The following GCNT2 variants were observed in gnomAD, a reference collection of about 807,000 sequenced individuals.
GCNT2 encodes the protein N-acetyllactosaminide beta-1,6-N-acetylglucosaminyl-transferase.
A neutral mutation model predicts 34.2 loss-of-function variants in GCNT2; 34 were observed. The ratio of observed to expected loss-of-function variants is 1.00; its 90% CI spans 0.76 to 1.32. GCNT2 has a LOEUF of 1.32. Among genes scored for constraint, GCNT2 ranks in the 40% most tolerant of loss-of-function variants. The probability of loss-of-function intolerance (pLI) is 0.00; values close to 1 mark genes in which losing one functional copy is unlikely to be tolerated. For missense variants in GCNT2, 584 were observed against 489.4 expected (o/e 1.19, Z -1.82); for synonymous variants, 212 against 188.0 (o/e 1.13, Z -1.04).
chr6:10,523,755 G>A (rs1472419921), intron 1 of GCNT2, among the ~76,000 whole-genome samples: 2 of 152,010 alleles, frequency 1.3e-5, no homozygotes, highest in Admixed American at 6.5e-5. Context: ...GGCGGATCAC[G>A]AGGTCAGGAG....
At chr6:10,549,570 T>C (rs1413173479) in intron 3 of GCNT2, among the ~76,000 whole-genome samples, 3 of 135,412 alleles carry the variant, frequency 2.2e-5, no homozygotes, top group African/African-American at 5.9e-5. Context: ...TCTCTTTTTT[T>C]TTTTTTTTTT....
At chr6:10,618,516 C>T (rs1393028421) in intron 3 of GCNT2, among the ~76,000 whole-genome samples, 5 of 152,168 alleles carry the variant, frequency 3.3e-5, no homozygotes, top group Non-Finnish European at 7.3e-5. Context: ...CAAAAATAGT[C>T]ATTTCAACAT....
chr6:10,581,464 T>TTC (rs1764065801), intron 3 of GCNT2, among the ~76,000 whole-genome samples: 1 of 152,078 alleles, frequency 6.6e-6, no homozygotes, highest in Admixed American at 6.6e-5. Context: ...GAGACAGGGT[T>TTC]TCTCCATGAT....
intron 3 of GCNT2, among the ~76,000 whole-genome samples, chr6:10,606,624 G>GGAAATTTCCATTAAAGAAATTTAATT (rs1765323851): frequency 2.1e-5 from 2 of 97,456 alleles, no homozygotes; most frequent in African/African-American, 3.2e-5. Context: ...GAAATTTAAT[G>GGAAATTTCCATTAAAGAAATTTAATT]GAAATTTCCA....
Position 10,627,351 on chromosome 6 carries a change from T to C in GCNT2, c.*744T>C, listed in dbSNP as rs1372319434. 6.6e-6 allele frequency: 1 copy of C among 152,264 alleles called. No individual in the cohort carries two copies. Among genetic ancestry groups the C allele is most frequent in the African/African-American group, 2.4e-5 (1 of 41,456 alleles). 9.4% of individuals were successfully genotyped at this position (152,264 alleles called of 1,614,324 possible). The stretch of plus-strand genomic sequence containing the variant: ...GAACACTAAAAAGTCCTTGCAAGAA[T>C]GGAGATATGCATTCAAGAGAGGTGC... On this transcript the variant is annotated 3_prime_UTR_variant, in exon 5 of 5. Transcript: ENST00000495262.
In GCNT2 at chr6:10,589,086, A is replaced by AGT. The variant is rs1314492658; in HGVS notation, c.926-32261_926-32260dup. ...TGTGTGTAGTGTGTGGCGTGTTTGT[A>AGT]GTGTGGTGTGTGTGTAGTGTGTGTG... On this transcript the variant is annotated intron_variant, in intron 3 of 4. Transcript: ENST00000495262. Among the ~76,000 whole-genome samples, 123 of 78,550 alleles carry AGT rather than the reference A, an allele frequency of 1.6e-3. 2 individuals carry two copies. Among genetic ancestry groups the AGT allele is most frequent in the African/African-American group, 5.9e-3 (114 of 19,210 alleles). The allele number at this position is 78,550 out of a possible 152,430, so 51.5% of individuals were successfully genotyped here.
intron 3 of GCNT2, among the ~76,000 whole-genome samples, chr6:10,603,817 C>CTTTT (rs571206713): frequency 2.6e-5 from 3 of 114,702 alleles, no homozygotes; most frequent in Non-Finnish European, 1.7e-5. Context: ...GCCTGACAGT[C>CTTTT]TTTTTTTTTT....
chr6:10,623,228 A>C (rs904314178), intron 4 of GCNT2, among the ~76,000 whole-genome samples: 5 of 99,174 alleles, frequency 5.0e-5, no homozygotes, highest in African/African-American at 1.7e-4. Flanking sequence ...ATTCTGAAGC[A>C]TGTTAATATA....
intron 3 of GCNT2, chr6:10,574,723 C>A (rs1763717138): frequency 6.0e-6 from 3 of 499,758 alleles, no homozygotes; most frequent in Non-Finnish European, 1.1e-5. Flanking sequence ...GTCTAGAGGT[C>A]TTTTATTTTT....
chr6:10,527,152 G>A (rs940070132), intron 1 of GCNT2, among the ~76,000 whole-genome samples: 2 of 152,176 alleles, frequency 1.3e-5, no homozygotes, highest in Non-Finnish European at 2.9e-5. Flanking sequence ...TTGATTGTGC[G>A]GTGGCTCGCG....
At chr6:10,625,093 A>T (rs976079613) in intron 4 of GCNT2, among the ~76,000 whole-genome samples, 4 of 151,960 alleles carry the variant, frequency 2.6e-5, no homozygotes, top group African/African-American at 9.7e-5. Flanking sequence ...TCTACTCTCT[A>T]TTATGCTTCT....
rs1176127991 is a variant in GCNT2 at position 10,626,920 on chromosome 6, A to G, written c.*313A>G. On this transcript the variant is annotated 3_prime_UTR_variant, in exon 5 of 5. Coordinates refer to ENST00000495262, the MANE Select transcript of GCNT2 (RefSeq NM_145649.5). The stretch of plus-strand genomic sequence containing the variant: ...CCTCAGATCTTTGCACCAGATACTC[A>G]TCATATACAAATGTTTTAGTAAAAA... The G allele has an allele frequency of 5.9e-6, 2 of 336,388 alleles. No individual in the cohort carries two copies. Among genetic ancestry groups the G allele is most frequent in the South Asian group, 3.6e-5 (1 of 27,902 alleles). The allele number at this position is 336,388 out of a possible 1,614,324, so 20.8% of individuals were successfully genotyped here. A position where few individuals can be genotyped will look rare whatever the true frequency, so the allele number is the denominator to read the frequency against.
At chr6:10,536,470 T>G (rs1761758049) in intron 3 of GCNT2, among the ~76,000 whole-genome samples, 1 of 151,744 alleles carries the variant, frequency 6.6e-6, no homozygotes, top group Non-Finnish European at 1.5e-5. Context: ...TTCTCCTGCC[T>G]CAGCCTCCCG....
chr6:10,534,478 A>G (rs990942892), intron 3 of GCNT2, among the ~76,000 whole-genome samples: 31 of 152,078 alleles, frequency 2.0e-4, no homozygotes, highest in Admixed American at 2.0e-3. Flanking sequence ...TGTCCCATTC[A>G]GATGTCCCCA....
intron 3 of GCNT2, among the ~76,000 whole-genome samples, chr6:10,590,434 T>C (rs1003249586): frequency 3.4e-4 from 51 of 151,716 alleles, no homozygotes; most frequent in African/African-American, 1.1e-3. Context: ...AAGCTCTTCA[T>C]GTGGCATGAC....
intron 3 of GCNT2, among the ~76,000 whole-genome samples, chr6:10,605,082 G>A (rs1417800725): frequency 6.6e-6 from 1 of 151,820 alleles, no homozygotes; most frequent in Non-Finnish European, 1.5e-5. Context: ...GGAGGTGAAG[G>A]CTGCAGTGAT....
At chr6:10,556,690 A>G in intron 3 of GCNT2, 1 of 1,614,228 alleles carries the variant, frequency 6.2e-7, no homozygotes, top group Non-Finnish European at 8.5e-7. Flanking sequence ...TATCTAAGGA[A>G]GAAGCTGACT....
At chr6:10,569,235 C>CCACACCCACACACACACACA (rs1763421153) in intron 3 of GCNT2, among the ~76,000 whole-genome samples, 1 of 47,464 alleles carries the variant, frequency 2.1e-5, no homozygotes, top group Non-Finnish European at 5.0e-5. Flanking sequence ...ACTCCCCCCG[C>CCACACCCACACACACACACA]CACACACACA....
intron 3 of GCNT2, among the ~76,000 whole-genome samples, chr6:10,611,225 GAA>G (rs773459728): frequency 1.5e-5 from 2 of 133,082 alleles, no homozygotes. Flanking sequence ...ATGTCTATTT[GAA>G]AAAAAAAAAA....
Sources: allele counts gnomAD v4.1 joint callset (sites outside exome capture counted in the v4.1 genomes callset), GRCh38; gene constraint gnomAD v4.1.1; transcripts MANE v1.5; gene names NCBI Gene and HGNC (gene_info 2026-07-23, HGNC 2026-07-21).